DAB2IP: variants seen among roughly 807,000 people sequenced by gnomAD.
DAB2IP encodes the protein DAB2 interacting protein.
DAB2IP carries 28 observed loss-of-function variants against 107.2 expected under a neutral mutation model. The observed-to-expected ratio is 0.26, with a 90% CI of 0.19 to 0.36. The LOEUF (loss-of-function observed/expected upper bound fraction) is 0.36, where lower values mean the gene tolerates loss of function less well. DAB2IP is among the 10% of genes least tolerant of loss of function. The pLI is 1.00. For missense variants in DAB2IP, 1,400 were observed against 1,644.7 expected (o/e 0.85, Z 2.57); for synonymous variants, 755 against 706.4 (o/e 1.07, Z -1.09).
intron 1 of DAB2IP, among the ~76,000 whole-genome samples, chr9:121,672,132 T>C (rs914788331): frequency 6.6e-6 from 1 of 152,248 alleles, no homozygotes; most frequent in African/African-American, 2.4e-5. Context: ...TTACTTAGTT[T>C]CTTTTAAATT....
At chr9:121,641,918 TTTC>T (rs1832313823) in intron 1 of DAB2IP, among the ~76,000 whole-genome samples, 3 of 146,966 alleles carry the variant, frequency 2.0e-5, no homozygotes, top group Middle Eastern at 3.2e-3. Flanking sequence ...TCTTTCTTTC[TTTC>T]TTTCTTTCTT....
intron 1 of DAB2IP, among the ~76,000 whole-genome samples, chr9:121,570,107 C>CTTTTTTTTTTTTTT (rs60818537): frequency 9.9e-6 from 1 of 101,504 alleles, no homozygotes; most frequent in Non-Finnish European, 1.9e-5. Flanking sequence ...TTCTCTTTCT[C>CTTTTTTTTTTTTTT]TTTTTTTTTT....
chr9:121,579,768 AT>A (rs1830149130), intron 1 of DAB2IP, among the ~76,000 whole-genome samples: 2 of 152,130 alleles, frequency 1.3e-5, no homozygotes, highest in Admixed American at 1.3e-4. Context: ...TCTGCTGCAT[AT>A]TTGTTGAATG....
Position 121,782,094 on chromosome 9 carries a change from C to T in DAB2IP, c.3403-237C>T, listed in dbSNP as rs1002141699. Among the ~76,000 whole-genome samples, 6 of 152,256 alleles carry T rather than the reference C, an allele frequency of 3.9e-5. No individual in the cohort carries two copies. Among genetic ancestry groups the T allele is most frequent in the South Asian group, 2.1e-4 (1 of 4,808 alleles). On this transcript the variant is annotated intron_variant, in intron 15 of 15. Coordinates refer to ENST00000408936, the Ensembl canonical transcript of DAB2IP. The surrounding 1 kb of genome is among the most constrained non-coding windows in gnomAD (Gnocchi z 6.1). ...GCAAGGGTGCCTGCCCTAGGGGCCG[C>T]AGGCAGCCCATAGACAGCACTAGAG...
chr9:121,698,590 C>G lies in DAB2IP; in HGVS notation c.229-735C>G, dbSNP rs1224827950. Among the ~76,000 whole-genome samples the G allele has an allele frequency of 1.3e-5, 2 of 152,208 alleles. No homozygotes were observed. Among genetic ancestry groups the G allele is most frequent in the Non-Finnish European group, 2.9e-5 (2 of 68,034 alleles). On this transcript the variant is annotated intron_variant, in intron 2 of 15. Coordinates refer to ENST00000408936, the Ensembl canonical transcript of DAB2IP. This position sits in a 1 kb window ranked among gnomAD's most constrained non-coding sequence, Gnocchi z 4.1. ...CTCCCTGAGCTGAGCACTAGGGATC[C>G]CGTCCCGCAAGGTGGTTGTCCTTGC...
intron 3 of DAB2IP, among the ~76,000 whole-genome samples, chr9:121,700,141 G>C (rs571697582): frequency 6.6e-6 from 1 of 152,352 alleles, no homozygotes; most frequent in South Asian, 2.1e-4. Context: ...ACTCTCAGGG[G>C]TGTCTCCTGC....
At chr9:121,719,717 C>T (rs1286305951) in intron 3 of DAB2IP, among the ~76,000 whole-genome samples, 1 of 152,188 alleles carries the variant, frequency 6.6e-6, no homozygotes, top group African/African-American at 2.4e-5. Flanking sequence ...TTACAGTGAC[C>T]TGAGAGGTGT....
chr9:121,661,753 C>A (rs186180833), intron 1 of DAB2IP, among the ~76,000 whole-genome samples: 1 of 152,184 alleles, frequency 6.6e-6, no homozygotes, highest in African/African-American at 2.4e-5. Flanking sequence ...GAGGCCAAGG[C>A]GGGAGGATCA....
intron 1 of DAB2IP, among the ~76,000 whole-genome samples, chr9:121,567,738 C>T: frequency 6.6e-6 from 1 of 152,172 alleles, no homozygotes; most frequent in East Asian, 1.9e-4. Context: ...CCACTGGAAG[C>T]TCTGCATGCA....
chr9:121,750,296 G>A (rs35197627), intron 3 of DAB2IP, among the ~76,000 whole-genome samples: 3 of 152,338 alleles, frequency 2.0e-5, no homozygotes, highest in South Asian at 2.1e-4. Flanking sequence ...AGCTGCAGGT[G>A]CATTTCTGTA....
At chr9:121,685,402 G>C (rs962810612) in intron 2 of DAB2IP, among the ~76,000 whole-genome samples, 45 of 152,200 alleles carry the variant, frequency 3.0e-4, no homozygotes, top group African/African-American at 9.9e-4. Flanking sequence ...GACCAGGCTA[G>C]TCTGAGGCCT....
Position 121,782,732 on chromosome 9 carries a change from C to T in DAB2IP, c.*234C>T, listed in dbSNP as rs1205055604. The T allele has an allele frequency of 1.2e-5, 17 of 1,382,738 alleles. No individual in the cohort carries two copies. Among genetic ancestry groups the T allele is most frequent in the Non-Finnish European group, 1.6e-5 (17 of 1,069,238 alleles). The allele number at this position is 1,382,738 out of a possible 1,614,324, so 85.7% of individuals were successfully genotyped here. ...TGTGGGGTGCGGGCAGAAGAGACTG[C>T]ACGCTGGGGAGTGGGGACAGCCTGA... is the stretch of plus-strand genomic sequence containing the variant. On this transcript the variant is annotated 3_prime_UTR_variant, in exon 16 of 16. Coordinates refer to ENST00000408936, the Ensembl canonical transcript of DAB2IP. The surrounding 1 kb of genome is among the most constrained non-coding windows in gnomAD (Gnocchi z 6.1).
intron 1 of DAB2IP, chr9:121,598,366 C>T (rs922243965): frequency 1.1e-4 from 6 of 56,754 alleles, no homozygotes; most frequent in Admixed American, 1.1e-3. Context: ...GATTCTGAGC[C>T]GGGACGGCTC....
chr9:121,706,579 C>T (rs1007895577), intron 3 of DAB2IP, among the ~76,000 whole-genome samples: 1 of 152,222 alleles, frequency 6.6e-6, no homozygotes, highest in Non-Finnish European at 1.5e-5. Context: ...CGTGGTTCCT[C>T]TCTGCCCCTC....
rs1038301763 is a variant in DAB2IP, at chr9:121,599,394, G to A, written c.40+32166G>A. On this transcript the variant is annotated intron_variant, in intron 1 of 16. Transcript: ENST00000259371. The surrounding 1 kb of genome is among the most constrained non-coding windows in gnomAD (Gnocchi z 6.9). ...GGCCTGGGCGGGGCGGTGGTGGGGA[G>A]GTCGATTGACCAAACAGGTGCGCCC... Among the ~76,000 whole-genome samples the A allele has an allele frequency of 6.6e-6, 1 of 152,238 alleles. No homozygotes were observed. The highest frequency in any genetic ancestry group is 1.9e-4 in the East Asian group (1 of 5,154).
At chr9:121,784,647 T>G (rs753977185) in exon 16 of DAB2IP, 1 of 154,934 alleles carries the variant, frequency 6.5e-6, no homozygotes, top group Non-Finnish European at 1.5e-5. Flanking sequence ...TCTCACCTAA[T>G]GGTTGTACAT....
In DAB2IP at chr9:121,781,582, A is replaced by G. The variant is rs1446443159; in HGVS notation, c.3402+31A>G. On this transcript the variant is annotated intron_variant, in intron 15 of 15. Transcript: ENST00000408936. ...GGCTCCGGCCCTTTGGTCAGCCACAAGAGTTAAAGGGCCTGGGATTAGGAG... is the reference window on the plus strand; with the variant it reads ...GGCTCCGGCCCTTTGGTCAGCCACAGGAGTTAAAGGGCCTGGGATTAGGAG... 5.0e-6 allele frequency: 8 copies of G among 1,606,874 alleles called. No homozygotes were observed. The East Asian group carries it at 1.1e-4, about 22-fold the overall frequency.
Position 121,782,651 on chromosome 9 carries a change from G to C in DAB2IP, c.*153G>C. The C allele has an allele frequency of 6.9e-7, 1 of 1,457,834 alleles. No homozygotes were observed. Among genetic ancestry groups the C allele is most frequent in the Non-Finnish European group, 9.0e-7 (1 of 1,110,366 alleles). 90.3% of individuals were successfully genotyped at this position (1,457,834 alleles called of 1,614,324 possible). On this transcript the variant is annotated 3_prime_UTR_variant, in exon 16 of 16. Coordinates refer to ENST00000408936, the Ensembl canonical transcript of DAB2IP. This position sits in a 1 kb window ranked among gnomAD's most constrained non-coding sequence, Gnocchi z 6.1. ...CCCTGCCGCTGTCCAGGAGGCGGCCGCAGAGGGAGCCACCAGAGACTGAAG... is the reference window on the plus strand; with the variant it reads ...CCCTGCCGCTGTCCAGGAGGCGGCCCCAGAGGGAGCCACCAGAGACTGAAG...
chr9:121,667,339 GT>G (rs1287695665), intron 1 of DAB2IP, among the ~76,000 whole-genome samples: 1 of 151,278 alleles, frequency 6.6e-6, no homozygotes, highest in South Asian at 2.1e-4. Context: ...CCTGCATGGT[GT>G]TTTTTACCTT....
Sources: gnomAD v4.1 joint callset for allele counts (sites outside exome capture counted in the v4.1 genomes callset) on GRCh38, gnomAD v4.1.1 for gene constraint, Gnocchi (gnomAD v3.1) non-coding constraint, MANE v1.5 for transcripts, NCBI Gene and HGNC (gene_info 2026-07-23, HGNC 2026-07-21) for gene names.